AGAP1: variants seen among roughly 807,000 people sequenced by gnomAD.
The protein encoded by AGAP1 is ArfGAP with GTPase domain, ankyrin repeat and PH domain 1.
Under a neutral mutation model 105.3 loss-of-function variants are expected in AGAP1, and 29 were observed. The ratio of observed to expected loss-of-function variants is 0.28; its 90% CI spans 0.21 to 0.38. The LOEUF (loss-of-function observed/expected upper bound fraction) is 0.38. Ranked by LOEUF, AGAP1 falls within the 10% of genes least tolerant of loss-of-function variation. The probability of loss-of-function intolerance (pLI) is 1.00; values close to 1 mark genes in which losing one functional copy is unlikely to be tolerated. For missense variants in AGAP1, 998 were observed against 1,165.1 expected (o/e 0.86, Z 2.09); for synonymous variants, 509 against 485.9 (o/e 1.05, Z -0.63).
intron 12 of AGAP1, among the ~76,000 whole-genome samples, chr2:235,954,411 A>G (rs2053862391): frequency 6.6e-6 from 1 of 151,892 alleles, no homozygotes; most frequent in African/African-American, 2.4e-5. Context: ...CGCTGCTCAT[A>G]GGCACGGTGG....
chr2:235,966,676 C>T (rs1199859368), intron 12 of AGAP1, among the ~76,000 whole-genome samples: 1 of 152,140 alleles, frequency 6.6e-6, no homozygotes, highest in Non-Finnish European at 1.5e-5. Flanking sequence ...TCTCAGGTGT[C>T]TCATGGTGTC....
intron 12 of AGAP1, among the ~76,000 whole-genome samples, chr2:235,938,998 C>T (rs940171733): frequency 2.6e-4 from 39 of 152,172 alleles, no homozygotes; most frequent in African/African-American, 7.2e-4. Flanking sequence ...TTCAGATGCG[C>T]AGCCAGGGTT....
intron 9 of AGAP1, among the ~76,000 whole-genome samples, chr2:235,829,678 A>G (rs887539562): frequency 9.2e-5 from 14 of 152,308 alleles, no homozygotes; most frequent in African/African-American, 3.1e-4. Flanking sequence ...CTGTATTTCT[A>G]CATCTTCTTT....
chr2:235,974,047 T>C (rs1207284111), intron 13 of AGAP1, among the ~76,000 whole-genome samples: 1 of 152,216 alleles, frequency 6.6e-6, no homozygotes, highest in Non-Finnish European at 1.5e-5. Context: ...TGCAGTCCCA[T>C]TCTGTGGCCC....
In AGAP1 at chr2:235,494,134, G is replaced by A. The variant is rs1398898014; in HGVS notation, c.-553G>A. 1 of 144,406 alleles carries A rather than the reference G, an allele frequency of 6.9e-6. No homozygotes were observed. The highest frequency in any genetic ancestry group is 1.5e-5 in the Non-Finnish European group (1 of 64,938). The allele number at this position is 144,406 out of a possible 1,614,324, so 8.9% of individuals were successfully genotyped here. A position where few individuals can be genotyped will look rare whatever the true frequency, so the allele number is the denominator to read the frequency against. On this transcript the variant is annotated 5_prime_UTR_variant, in exon 1 of 18. Coordinates refer to ENST00000304032, the MANE Select transcript of AGAP1 (RefSeq NM_001037131.3). ...CGGCTTGCAAGGCGCCTGCGACTCG[G>A]TCCCAGGTCGGCGGGCGGCGCACGG...
At position 236,101,100 on chromosome 2, in the gene AGAP1, A is replaced by G. The variant is rs989856002; in HGVS notation, c.2115-19092A>G. Among the ~76,000 whole-genome samples the G allele has an allele frequency of 5.3e-5, 8 of 152,100 alleles. No homozygotes were observed. The highest frequency in any genetic ancestry group is 8.8e-5 in the Non-Finnish European group (6 of 68,010). On this transcript the variant is annotated intron_variant, in intron 16 of 17. Coordinates refer to ENST00000304032, the MANE Select transcript of AGAP1 (RefSeq NM_001037131.3). The surrounding 1 kb of genome is among the most constrained non-coding windows in gnomAD (Gnocchi z 4.9). ...CATGTTTCCATGTTTTCATATTTTG[A>G]AAAAAGTCAAAATCCAAATTGATTT...
At chr2:236,024,684 A>AG (rs1213810553) in intron 13 of AGAP1, among the ~76,000 whole-genome samples, 6 of 152,214 alleles carry the variant, frequency 3.9e-5, no homozygotes, top group Admixed American at 3.9e-4. Flanking sequence ...TCATGTAATG[A>AG]GGAGGGATTC....
intron 1 of AGAP1, among the ~76,000 whole-genome samples, chr2:235,638,408 T>G (rs1947082194): frequency 6.6e-6 from 1 of 152,154 alleles, no homozygotes; most frequent in Admixed American, 6.5e-5. Context: ...AAACCTTGAC[T>G]GAAGTCGTGG....
rs989256613 is a variant in AGAP1 at position 235,614,858 on chromosome 2, G to C, written c.164-94321G>C. 2.6e-5 allele frequency among the ~76,000 whole-genome samples: 4 copies of C among 152,122 alleles called. No individual in the cohort carries two copies. Among genetic ancestry groups the C allele is most frequent in the South Asian group, 2.1e-4 (1 of 4,824 alleles). On this transcript the variant is annotated intron_variant, in intron 1 of 17. Transcript: ENST00000304032. The surrounding 1 kb of genome is among the most constrained non-coding windows in gnomAD (Gnocchi z 4.7). ...TTGATTCTGTGGCTATTAAATTAAT[G>C]GTTTAGCTGAGATGTTTTCTCTACT... is the stretch of plus-strand genomic sequence containing the variant.
chr2:235,730,300 T>C (rs953753178), intron 3 of AGAP1, among the ~76,000 whole-genome samples: 1 of 152,070 alleles, frequency 6.6e-6, no homozygotes, highest in Non-Finnish European at 1.5e-5. Context: ...AAGGGTCCCC[T>C]GCTTGGCACT....
At chr2:235,914,647 G>A (rs1401768367) in intron 11 of AGAP1, among the ~76,000 whole-genome samples, 4 of 152,180 alleles carry the variant, frequency 2.6e-5, no homozygotes, top group East Asian at 1.9e-4. Context: ...GAAGAAACAC[G>A]CACTGTCAGA....
chr2:235,506,280 T>C (rs1941806572), intron 1 of AGAP1, among the ~76,000 whole-genome samples: 3 of 152,140 alleles, frequency 2.0e-5, no homozygotes, highest in Admixed American at 1.3e-4. Context: ...TTTTAAAAAA[T>C]TTGAAGCCAG....
intron 13 of AGAP1, among the ~76,000 whole-genome samples, chr2:236,019,496 C>T (rs1449833532): frequency 2.6e-5 from 4 of 152,192 alleles, no homozygotes; most frequent in South Asian, 2.1e-4. Flanking sequence ...AACATCCTGT[C>T]GTGCACCCCT....
At chr2:235,999,329 G>GTGA (rs1300722877) in intron 13 of AGAP1, among the ~76,000 whole-genome samples, 1 of 136,448 alleles carries the variant, frequency 7.3e-6, no homozygotes, top group South Asian at 2.5e-4. Context: ...GGTGGTGGTG[G>GTGA]TGATGATGAT....
chr2:236,108,208 C>A (rs954602805), intron 16 of AGAP1, among the ~76,000 whole-genome samples: 1 of 152,242 alleles, frequency 6.6e-6, no homozygotes, highest in Admixed American at 6.5e-5. Context: ...AGCGCCCGCT[C>A]GCAGTGGGCC....
At chr2:235,629,882 AAG>A (rs1553589575) in intron 1 of AGAP1, among the ~76,000 whole-genome samples, 3 of 150,512 alleles carry the variant, frequency 2.0e-5, no homozygotes, top group Middle Eastern at 3.4e-3. Context: ...AAAAAAAAAA[AAG>A]AAAGAACAGA....
chr2:235,542,696 T>G (rs1427471912), intron 1 of AGAP1, among the ~76,000 whole-genome samples: 1 of 152,232 alleles, frequency 6.6e-6, no homozygotes, highest in Non-Finnish European at 1.5e-5. Context: ...AAAGTTGATT[T>G]TCTTGGAGAC....
At chr2:236,052,139 A>G (rs1227241874) in intron 16 of AGAP1, among the ~76,000 whole-genome samples, 2 of 152,164 alleles carry the variant, frequency 1.3e-5, no homozygotes, top group African/African-American at 4.8e-5. Flanking sequence ...ACCAAAAAGA[A>G]ATATTTTAAT....
intron 9 of AGAP1, among the ~76,000 whole-genome samples, chr2:235,880,786 C>T (rs2106615721): frequency 6.6e-6 from 1 of 151,976 alleles, no homozygotes; most frequent in Admixed American, 6.6e-5. Flanking sequence ...CTTTGTTATG[C>T]TAAGTTTTAA....
Sources: gnomAD v4.1 joint callset for allele counts (sites outside exome capture counted in the v4.1 genomes callset) on GRCh38, gnomAD v4.1.1 for gene constraint, Gnocchi (gnomAD v3.1) non-coding constraint, MANE v1.5 for transcripts, NCBI Gene and HGNC (gene_info 2026-07-23, HGNC 2026-07-21) for gene names.